Variants in ATP2C2 observed in about 807,000 individuals in gnomAD.
ATP2C2 encodes ATPase secretory pathway Ca2+ transporting 2, also known as calcium-transporting ATPase type 2C member 2.
ATP2C2 carries 171 observed loss-of-function variants against 110.8 expected under a neutral mutation model. The ratio of observed to expected loss-of-function variants is 1.54; its 90% CI spans 1.36 to 1.75. The LOEUF (loss-of-function observed/expected upper bound fraction) is 1.75, where lower values mean the gene tolerates loss of function less well. Among genes scored for constraint, ATP2C2 ranks in the 40% most tolerant of loss-of-function variants. The pLI is 0.00. For missense variants in ATP2C2, 1,963 were observed against 1,235.0 expected, an observed-to-expected ratio of 1.59 and a Z score of -8.84; for synonymous variants, 804 against 508.4, an observed-to-expected ratio of 1.58 and a Z score of -7.82.
chr16:84,455,037 G>C (rs1234608907), intron 21 of ATP2C2, 53 bp downstream of exon 21: 1 of 1,561,720 alleles, frequency 6.4e-7, no homozygotes, highest in South Asian at 1.1e-5. Context: ...GGGGTCACCA[G>C]CTTCTCCCTG....
chr16:84,423,092 A>G, intron 9 of ATP2C2, 96 bp from the exon 10 acceptor site: 3 of 1,026,626 alleles, frequency 2.9e-6, no homozygotes, highest in Non-Finnish European at 4.6e-6. Flanking sequence ...TGTAATCATC[A>G]CTGAAGCTGT....
chr16:84,417,320 C>T (rs968004254), intron 7 of ATP2C2, among the ~76,000 whole-genome samples: 7 of 152,052 alleles, frequency 4.6e-5, no homozygotes, highest in African/African-American at 1.4e-4. Flanking sequence ...GGGCGTGACT[C>T]GGGGAAGGAA....
intron 1 of ATP2C2, 110 bp downstream of exon 1, chr16:84,368,824 C>T (rs1909784951): frequency 1.1e-6 from 1 of 914,318 alleles, no homozygotes; most frequent in Non-Finnish European, 1.6e-6. Context: ...GCGAACTCGC[C>T]CTCCTCCCCT....
chr16:84,437,469 C>T (rs1359652989), intron 11 of ATP2C2, among the ~76,000 whole-genome samples: 3 of 152,154 alleles, frequency 2.0e-5, no homozygotes, highest in Admixed American at 6.6e-5. Flanking sequence ...TGTGATCCTC[C>T]CAAAGTGCTG....
In ATP2C2 at chr16:84,420,608, C is replaced by T. The variant is rs916769234; in HGVS notation, c.625-1782C>T. Among the ~76,000 whole-genome samples, 6 of 151,954 alleles carry T rather than the reference C, an allele frequency of 3.9e-5. No homozygotes were observed. In the East Asian group the frequency reaches 5.8e-4, roughly 15 times the overall value. On this transcript the variant is annotated intron_variant, in intron 7 of 26. Transcript: ENST00000262429. ...AATGCCTTAGCTTACTTGGGTACATCGGTCACAACTAAGGAACCCATATTG... is the reference window on the plus strand; with the variant it reads ...AATGCCTTAGCTTACTTGGGTACATTGGTCACAACTAAGGAACCCATATTG...
At chr16:84,408,197 G>C (rs1298894255) in intron 3 of ATP2C2, among the ~76,000 whole-genome samples, 1 of 152,180 alleles carries the variant, frequency 6.6e-6, no homozygotes, top group Non-Finnish European at 1.5e-5. Flanking sequence ...GGTCAGTACT[G>C]GGACCTGGGA....
intron 21 of ATP2C2, among the ~76,000 whole-genome samples, chr16:84,456,545 T>G (rs1195839816): frequency 8.1e-6 from 1 of 123,632 alleles, no homozygotes; most frequent in East Asian, 2.3e-4. Flanking sequence ...AAAGAGGAAG[T>G]CAAATTGTCC....
intron 4 of ATP2C2, 44 bp from the exon 5 acceptor site, chr16:84,410,524 C>A: frequency 6.2e-7 from 1 of 1,604,698 alleles, no homozygotes; most frequent in Non-Finnish European, 8.5e-7. Flanking sequence ...TCCCCCCTCC[C>A]ACTGAGCCTC....
intron 18 of ATP2C2, 26 bp downstream of exon 18, chr16:84,452,117 G>A: frequency 6.2e-7 from 1 of 1,612,970 alleles, no homozygotes. Flanking sequence ...TCGGGGGTGA[G>A]GACGAAAGGA....
At chr16:84,397,294 GTTAT>G (rs772578813) in intron 1 of ATP2C2, among the ~76,000 whole-genome samples, 5 of 151,348 alleles carry the variant, frequency 3.3e-5, no homozygotes, top group Admixed American at 6.6e-5. Flanking sequence ...CTTTTCTTTG[GTTAT>G]TTAAAATGTC....
chr16:84,394,256 C>T (rs1247635292), intron 1 of ATP2C2, among the ~76,000 whole-genome samples: 1 of 152,066 alleles, frequency 6.6e-6, no homozygotes, highest in African/African-American at 2.4e-5. Flanking sequence ...TCACAGTAAA[C>T]ATTGTAATGG....
At chr16:84,453,017 C>T in intron 18 of ATP2C2, 121 bp from the exon 19 acceptor site, 1 of 1,012,200 alleles carries the variant, frequency 9.9e-7, no homozygotes. Flanking sequence ...ATGGTAGGTC[C>T]TCAGTAAACC....
chr16:84,423,141 A>AGCCT, intron 9 of ATP2C2, 47 bp from the exon 10 acceptor site: 1 of 1,534,576 alleles, frequency 6.5e-7, no homozygotes, highest in Non-Finnish European at 9.0e-7. Context: ...AAAGGCAGGC[A>AGCCT]GAAGCTAGGA....
In ATP2C2 at chr16:84,425,800, A is replaced by G. The variant is rs761971082; in HGVS notation, c.985A>G (p.Ser329Gly). ...CCTGAGTATGTTCACGATCGGGGTC[A>G]GGTAAGAGTGCTATGGCCGCCCCTT... ...QLLSMFTIGV[S>G]LAVAAIPEGL... Residue 329 changes from serine to glycine, a missense_variant and splice_region_variant, in exon 11 of 27, where the codon AGC (serine) becomes GGC (glycine). Coordinates refer to ENST00000262429, the MANE Select transcript of ATP2C2 (RefSeq NM_014861.4). The G allele has an allele frequency of 1.9e-6, 3 of 1,614,130 alleles. No homozygotes were observed. Among genetic ancestry groups the G allele is most frequent in the Non-Finnish European group, 2.5e-6 (3 of 1,180,006 alleles).
chr16:84,430,882 C>T (rs1908215190), intron 11 of ATP2C2, among the ~76,000 whole-genome samples: 1 of 152,018 alleles, frequency 6.6e-6, no homozygotes, highest in African/African-American at 2.4e-5. Flanking sequence ...TGATCCAAAG[C>T]CGGGCTCCTT....
intron 11 of ATP2C2, chr16:84,426,049 G>T: frequency 5.8e-6 from 2 of 346,876 alleles, no homozygotes; most frequent in East Asian, 4.1e-5. Context: ...TTCTTGCATT[G>T]CTAAAAAAAA....
At position 84,440,873 on chromosome 16, in the gene ATP2C2, A is replaced by G. The variant is rs1388518551; in HGVS notation, c.1226A>G (p.Tyr409Cys). ...GCCCTGCAGGTCAGCGGAGTTGGGTATGACGGTCAAGGGACTGTGTGTCTT... is the reference window on the plus strand; with the variant it reads ...GCCCTGCAGGTCAGCGGAGTTGGGTGTGACGGTCAAGGGACTGTGTGTCTT... ...GLRAEVSGVG[Y>C]DGQGTVCLLP... Residue 409 changes from tyrosine to cysteine, a missense_variant, in exon 14 of 27, where the codon TAT (tyrosine) becomes TGT (cysteine). Transcript: ENST00000262429. 1.9e-6 allele frequency: 3 copies of G among 1,613,388 alleles called. No homozygotes were observed. Among genetic ancestry groups the G allele is most frequent in the Non-Finnish European group, 2.5e-6 (3 of 1,179,868 alleles).
chr16:84,431,052 G>T (rs1205588842), intron 11 of ATP2C2, among the ~76,000 whole-genome samples: 2 of 152,114 alleles, frequency 1.3e-5, no homozygotes, highest in Non-Finnish European at 2.9e-5. Context: ...CATCAAAAGT[G>T]CTGATCCAGC....
At chr16:84,447,869 T>C (rs1036882418) in intron 16 of ATP2C2, among the ~76,000 whole-genome samples, 4 of 141,666 alleles carry the variant, frequency 2.8e-5, no homozygotes, top group African/African-American at 1.0e-4. Context: ...ATAACATTAA[T>C]ATGTTAATTA....
Sources: gnomAD v4.1 joint callset for allele counts (sites outside exome capture counted in the v4.1 genomes callset) on GRCh38, gnomAD v4.1.1 for gene constraint, MANE v1.5 for transcripts, NCBI Gene and HGNC (gene_info 2026-07-23, HGNC 2026-07-21) for gene names.